TOP2B: variants seen among roughly 807,000 people sequenced by gnomAD.
TOP2B encodes DNA topoisomerase II beta.
A neutral mutation model predicts 193.5 loss-of-function variants in TOP2B; 51 were observed. The observed-to-expected ratio is 0.26, with a 90% CI of 0.21 to 0.33. The LOEUF (loss-of-function observed/expected upper bound fraction) is 0.33, where lower values mean the gene tolerates loss of function less well. TOP2B is among the 10% of genes least tolerant of loss of function. The probability of loss-of-function intolerance (pLI) is 1.00; values close to 1 mark genes in which losing one functional copy is unlikely to be tolerated. For synonymous variants in TOP2B, 634 were observed against 635.7 expected (o/e 1.00, Z 0.04); for missense variants, 1,378 against 1,909.3 (o/e 0.72, Z 5.19).
In TOP2B at chr3:25,630,819, C is replaced by A; in HGVS notation, c.1387G>T (p.Asp463Tyr). The change falls in exon 11 of 36, where the codon GAT becomes TAT. Residue 463 changes from aspartate (D) to tyrosine (Y), a missense_variant. This residue lies in a region of TOP2B where 66 missense variants were observed against 153.3 expected (regional missense o/e 0.43). Coordinates refer to ENST00000264331, the MANE Select transcript of TOP2B (RefSeq NM_001330700.2). The part of the protein sequence containing the change: ...YSKIKGIPKL[D>Y]DANDAGGKHS... The stretch of plus-strand genomic sequence containing the variant: ...ATCTTACCAGCATCATTAGCATCAT[C>A]CAGTTTGGGAATACCTTTGATTTTA... 1 of 1,579,496 alleles carries A rather than the reference C, an allele frequency of 6.3e-7. No individual in the cohort carries two copies. Among genetic ancestry groups the A allele is most frequent in the South Asian group, 1.2e-5 (1 of 84,492 alleles).
chr3:25,636,336 C>A (rs553191731), intron 6 of TOP2B, among the ~76,000 whole-genome samples, 188 bp from the exon 7 acceptor site: 1 of 152,052 alleles, frequency 6.6e-6, no homozygotes, highest in Admixed American at 6.6e-5. Context: ...CTTGGGTAGC[C>A]ACAGGTTCTA....
At chr3:25,624,857 T>C in intron 18 of TOP2B, 54 bp from the exon 19 acceptor site, 1 of 1,540,786 alleles carries the variant, frequency 6.5e-7, no homozygotes, top group East Asian at 2.3e-5. Flanking sequence ...GTTGTAACAA[T>C]TCAGGGGAAT....
Position 25,598,163 on chromosome 3 carries a change from A to ATGTT in TOP2B, c.*140_*143dup, listed in dbSNP as rs1701967268. 4.9e-6 allele frequency: 4 copies of ATGTT among 811,926 alleles called. No individual in the cohort carries two copies. The highest frequency in any genetic ancestry group is 4.1e-5 in the South Asian group (2 of 48,858). 50.3% of individuals were successfully genotyped at this position (811,926 alleles called of 1,614,324 possible). ...ATAAAACTGTATGTGTAAGAACAAA[A>ATGTT]TGTTAAAAGGCCTACCACAATAATA... On this transcript the variant is annotated 3_prime_UTR_variant, in exon 36 of 36. Transcript: ENST00000264331.
At chr3:25,620,107 C>G in intron 22 of TOP2B, 45 bp from the exon 23 acceptor site, 1 of 1,214,266 alleles carries the variant, frequency 8.2e-7, no homozygotes, top group South Asian at 1.4e-5. Context: ...GACACACTCT[C>G]ATGTTCTCAT....
intron 4 of TOP2B, among the ~76,000 whole-genome samples, chr3:25,640,103 A>T (rs1348179477): frequency 6.6e-6 from 1 of 152,194 alleles, no homozygotes; most frequent in Non-Finnish European, 1.5e-5. Flanking sequence ...TTAAATTAGA[A>T]ATCTTACTGA....
intron 1 of TOP2B, among the ~76,000 whole-genome samples, chr3:25,657,757 G>A (rs1284277363): frequency 6.6e-6 from 1 of 152,110 alleles, no homozygotes; most frequent in East Asian, 1.9e-4. Flanking sequence ...TTAACAACAT[G>A]CCTTTAAAAA....
In TOP2B at chr3:25,620,697, A is replaced by C; in HGVS notation, c.2847T>G (p.Val949=). The change falls in exon 22 of 36, where the codon GTT becomes GTG. Residue 949 remains valine (V), a synonymous_variant. Coordinates refer to ENST00000264331, the MANE Select transcript of TOP2B (RefSeq NM_001330700.2). The part of the protein sequence containing the change: ...RNTVEITELP[V]RTWTQVYKEQ... The stretch of plus-strand genomic sequence containing the variant: ...TTACACTGACCTGTGTCCAAGTTCT[A>C]ACTGGAAGCTCTGTAATTTCTACTG... 6.2e-7 allele frequency: 1 copy of C among 1,612,520 alleles called. No individual in the cohort carries two copies. Among genetic ancestry groups the C allele is most frequent in the Non-Finnish European group, 8.5e-7 (1 of 1,179,186 alleles).
chr3:25,649,712 G>C (rs1302291316), intron 1 of TOP2B, among the ~76,000 whole-genome samples: 1 of 151,686 alleles, frequency 6.6e-6, no homozygotes. Context: ...CAAACACTGG[G>C]ACAGTTCATC....
In TOP2B at chr3:25,598,240, CTG is replaced by C. The variant is rs1701972207; in HGVS notation, c.*65_*66del. On this transcript the variant is annotated 3_prime_UTR_variant, in exon 36 of 36. Coordinates refer to ENST00000264331, the MANE Select transcript of TOP2B (RefSeq NM_001330700.2). ...TAAAATAAGCCAGATGTACAAAAGT[CTG>C]AGACAGAGAAGACAAAAGGACAACA... is the stretch of plus-strand genomic sequence containing the variant. 6.7e-7 allele frequency: 1 copy of C among 1,488,712 alleles called. No homozygotes were observed. Among genetic ancestry groups the C allele is most frequent in the East Asian group, 2.3e-5 (1 of 43,306 alleles). 92.2% of individuals were successfully genotyped at this position (1,488,712 alleles called of 1,614,324 possible).
Position 25,598,187 on chromosome 3 carries a change from T to TA in TOP2B, c.*119dup, listed in dbSNP as rs1307381181. The TA allele has an allele frequency of 9.1e-7, 1 of 1,098,436 alleles. No individual in the cohort carries two copies. The highest frequency in any genetic ancestry group is 1.3e-6 in the Non-Finnish European group (1 of 778,708). The allele number at this position is 1,098,436 out of a possible 1,614,324, so 68.0% of individuals were successfully genotyped here. A position where few individuals can be genotyped will look rare whatever the true frequency, so the allele number is the denominator to read the frequency against. ...AATGTTAAAAGGCCTACCACAATAA[T>TA]AAAAAACCGTCAATTACATCATCAC... On this transcript the variant is annotated 3_prime_UTR_variant, in exon 36 of 36. Transcript: ENST00000264331.
Position 25,643,739 on chromosome 3 carries a change from C to T in TOP2B, c.286G>A (p.Val96Ile). 6.2e-7 allele frequency: 1 copy of T among 1,613,418 alleles called. No homozygotes were observed. Among genetic ancestry groups the T allele is most frequent in the East Asian group, 2.2e-5 (1 of 44,740 alleles). The change falls in exon 3 of 36, where the codon GTT (valine) becomes ATT (isoleucine). Residue 96 changes from valine (V) to isoleucine (I), a missense_variant. Val to Ile is a conservative substitution (Grantham distance 29). Transcript: ENST00000264331. ...TTGTATAAACCTGGCACAAAGGTAA[C>T]CTCCCTGCAATTCATTCCTACATCT... ...DEDVGMNCRE[V>I]TFVPGLYKIF...
chr3:25,655,892 G>A (rs1703729720), intron 1 of TOP2B, among the ~76,000 whole-genome samples: 1 of 152,192 alleles, frequency 6.6e-6, no homozygotes, highest in South Asian at 2.1e-4. Flanking sequence ...GAGGGAATTA[G>A]TGTTTAGTAG....
intron 7 of TOP2B, among the ~76,000 whole-genome samples, chr3:25,635,731 T>G (rs1703089576): frequency 6.6e-6 from 1 of 151,716 alleles, no homozygotes; most frequent in South Asian, 2.1e-4. Context: ...ATGTAACATA[T>G]ATATAACCAA....
At position 25,626,694 on chromosome 3, in the gene TOP2B, G is replaced by A. The variant is rs765911600; in HGVS notation, c.2110-20C>T. ...AAATTGCTAAGAGAAAAGTTATATA[G>A]CAATATTATCATTATTACTGCATGA... On this transcript the variant is annotated intron_variant, in intron 17 of 35. Transcript: ENST00000264331. 6.7e-7 allele frequency: 1 copy of A among 1,502,126 alleles called. No individual in the cohort carries two copies. Among genetic ancestry groups the A allele is most frequent in the South Asian group, 1.2e-5 (1 of 80,128 alleles). The allele number at this position is 1,502,126 out of a possible 1,614,324, so 93.0% of individuals were successfully genotyped here. A position where few individuals can be genotyped will look rare whatever the true frequency, so the allele number is the denominator to read the frequency against.
chr3:25,664,321 C>T lies in TOP2B; in HGVS notation c.-24G>A, dbSNP rs1442032227. The T allele has an allele frequency of 1.4e-6, 2 of 1,475,204 alleles. No homozygotes were observed. The highest frequency in any genetic ancestry group is 2.9e-5 in the East Asian group (1 of 34,866). The allele number at this position is 1,475,204 out of a possible 1,614,324, so 91.4% of individuals were successfully genotyped here. A position where few individuals can be genotyped will look rare whatever the true frequency, so the allele number is the denominator to read the frequency against. On this transcript the variant is annotated 5_prime_UTR_variant, in exon 1 of 36. Transcript: ENST00000264331. ...ATGGCGAGTGCCTCCAGCTCACAGG[C>T]CCTGAGGCCGCAGCCGCCGCTCCCG...
chr3:25,645,929 TTTTTTTTTTTTTTGTA>T (rs1375847266), intron 1 of TOP2B, among the ~76,000 whole-genome samples: 4 of 151,170 alleles, frequency 2.6e-5, no homozygotes, highest in Non-Finnish European at 4.4e-5. Context: ...CCAGGTAATT[TTTTTTTTTTTTTTGTA>T]TTTTTAGTAG....
Position 25,660,134 on chromosome 3 carries a change from A to C in TOP2B, c.69+4095T>G, listed in dbSNP as rs149425294. 3.7e-3 allele frequency among the ~76,000 whole-genome samples: 571 copies of C among 152,320 alleles called. 3 individuals carry two copies. Among genetic ancestry groups the C allele is most frequent in the African/African-American group, 0.013 (534 of 41,580 alleles). On this transcript the variant is annotated intron_variant, in intron 1 of 35. Transcript: ENST00000264331. ...TTCAGAAAAATTAAGTTTATTAAAA[A>C]CGTGCCTAAATACTGCTATATCATG...
intron 4 of TOP2B, among the ~76,000 whole-genome samples, chr3:25,640,996 G>A (rs1448048997): frequency 6.6e-6 from 1 of 152,044 alleles, no homozygotes; most frequent in African/African-American, 2.4e-5. Flanking sequence ...TGCCCAGACT[G>A]GTCTCGAGCT....
chr3:25,599,362 T>A, intron 35 of TOP2B, 73 bp downstream of exon 35: 1 of 1,431,876 alleles, frequency 7.0e-7, no homozygotes, highest in Non-Finnish European at 9.6e-7. Context: ...ACTATAGTCA[T>A]AAGCAAACTA....
Sources: gnomAD v4.1 joint callset for allele counts (sites outside exome capture counted in the v4.1 genomes callset) on GRCh38, gnomAD v4.1.1 for gene constraint, gnomAD v4.1.1 regional missense constraint, MANE v1.5 for transcripts, NCBI Gene and HGNC (gene_info 2026-07-23, HGNC 2026-07-21) for gene names.